MTERF4: variants seen among roughly 807,000 people sequenced by gnomAD.
MTERF4 encodes transcription termination factor 4, mitochondrial.
MTERF4 carries 17 observed loss-of-function variants against 22.5 expected under a neutral mutation model. That is an observed-to-expected ratio of 0.75 (90% confidence interval 0.52 to 1.13). The LOEUF (loss-of-function observed/expected upper bound fraction) is 1.13, where lower values mean the gene tolerates loss of function less well. Ranked by LOEUF, MTERF4 falls within the 50% of genes most tolerant of loss-of-function variation. The pLI is 0.00. For synonymous variants in MTERF4, 165 were observed against 175.3 expected (o/e 0.94, Z 0.47); for missense variants, 420 against 466.8 (o/e 0.90, Z 0.92).
downstream of MTERF4, among the ~76,000 whole-genome samples, chr2:241,068,263 G>A: frequency 6.6e-6 from 1 of 152,060 alleles, no homozygotes; most frequent in Non-Finnish European, 1.5e-5. This position sits in a 1 kb window ranked among gnomAD's most constrained non-coding sequence, Gnocchi z 5.3. Context: ...GCCCCTCAGA[G>A]AGCAGCGGCC....
chr2:241,054,000 G>A, the MTERF4 span, among the ~76,000 whole-genome samples: 1 of 152,226 alleles, frequency 6.6e-6, no homozygotes, highest in Non-Finnish European at 1.5e-5. Flanking sequence ...ACAGCACCCA[G>A]ATTTGAGTGG....
chr2:241,059,879 A>G, the MTERF4 span, among the ~76,000 whole-genome samples: 1 of 152,366 alleles, frequency 6.6e-6, no homozygotes. Context: ...ACGTATTCCC[A>G]GCATTTTCCT....
At chr2:241,083,963 T>G (rs1376652177), downstream of MTERF4, among the ~76,000 whole-genome samples, 1 of 152,072 alleles carries the variant, frequency 6.6e-6, no homozygotes, top group Non-Finnish European at 1.5e-5. Context: ...TCCTGCCTAA[T>G]TTTGGATTAC....
At chr2:241,097,575 C>T in intron 2 of MTERF4, 148 bp from the exon 3 acceptor site, 1 of 693,826 alleles carries the variant, frequency 1.4e-6, no homozygotes, top group Non-Finnish European at 2.4e-6. Context: ...GATCTATCTT[C>T]CCAGAAGCAC....
At chr2:241,051,831 A>G in the MTERF4 span, 2 of 1,561,332 alleles carry the variant, frequency 1.3e-6, no homozygotes, top group East Asian at 2.4e-5. This position sits in a 1 kb window ranked among gnomAD's most constrained non-coding sequence, Gnocchi z 4.7. Context: ...AGCTGCCCCT[A>G]CCGCTTCACT....
the MTERF4 span, among the ~76,000 whole-genome samples, chr2:241,044,409 A>G: frequency 6.6e-6 from 1 of 152,200 alleles, no homozygotes; most frequent in African/African-American, 2.4e-5. Context: ...TCTCTCCCCC[A>G]CTGAATACAG....
downstream of MTERF4, chr2:241,067,992 G>A (rs761029558): frequency 3.2e-6 from 5 of 1,551,162 alleles, no homozygotes; most frequent in Non-Finnish European, 4.4e-6. Context: ...GAAGGCAGGG[G>A]TGGGGGCTCG....
At chr2:241,071,922 G>C, downstream of MTERF4, 2 of 1,444,192 alleles carry the variant, frequency 1.4e-6, no homozygotes, top group Non-Finnish European at 1.9e-6. Context: ...GCCCACCCTC[G>C]TCCTCACTGC....
chr2:241,096,297 T>C lies in MTERF4; in HGVS notation c.847A>G (p.Thr283Ala), dbSNP rs760619901. 5 of 1,614,098 alleles carry C rather than the reference T, an allele frequency of 3.1e-6. No homozygotes were observed. The highest frequency in any genetic ancestry group is 4.2e-6 in the Non-Finnish European group (5 of 1,180,050). ...RYQTPDKKGQ[T>A]QIPNPLLKDI... Reference sequence around the variant, plus strand: ...TTGAGCAATGGGTTAGGGATCTGTGTCTGCCCCTTCTTATCAGGGGTTTGG... The same window carrying C: ...TTGAGCAATGGGTTAGGGATCTGTGCCTGCCCCTTCTTATCAGGGGTTTGG... The change falls in exon 4 of 4, where the codon ACA (threonine) becomes GCA (alanine). Residue 283 changes from threonine (T) to alanine (A), a missense_variant. Coordinates refer to ENST00000391980, the MANE Select transcript of MTERF4 (RefSeq NM_182501.4). The surrounding 1 kb of genome is among the most constrained non-coding windows in gnomAD (Gnocchi z 5.1).
rs1425785875 is a variant in MTERF4 at position 241,099,517 on chromosome 2, G to A, written c.399C>T (p.Leu133=). 1 of 1,614,092 alleles carries A rather than the reference G, an allele frequency of 6.2e-7. No homozygotes were observed. The highest frequency in any genetic ancestry group is 8.5e-7 in the Non-Finnish European group (1 of 1,180,054). ...ACACAGGCTCTGGATTCAGACCCAA[G>A]AGAATAAATTCTGAAATGATGTCCA... ...QLLDIISEFI[L]LGLNPEPVCV... Residue 133 remains leucine, a synonymous_variant, in exon 2 of 4, where the codon CTC becomes CTT. Transcript: ENST00000391980.
the MTERF4 span, chr2:241,048,638 G>T: frequency 5.0e-6 from 8 of 1,586,060 alleles, no homozygotes; most frequent in Non-Finnish European, 6.9e-6. Context: ...CCACATGGGA[G>T]GCTCCTCCCT....
downstream of MTERF4, among the ~76,000 whole-genome samples, chr2:241,085,909 C>T (rs1198125755): frequency 6.8e-6 from 1 of 147,716 alleles, no homozygotes; most frequent in Non-Finnish European, 1.5e-5. Context: ...CTCTGTCGCC[C>T]AGGCTGGAGT....
At chr2:241,059,026 A>G in the MTERF4 span, among the ~76,000 whole-genome samples, 2 of 152,318 alleles carry the variant, frequency 1.3e-5, no homozygotes, top group East Asian at 1.9e-4. Context: ...TAGCAAGATC[A>G]AAATAGAAAA....
chr2:241,063,900 C>T, the MTERF4 span: 1 of 867,834 alleles, frequency 1.2e-6, no homozygotes. Context: ...CACTGCCCCT[C>T]TCTCCTGGCC....
intron 4 of MTERF4, among the ~76,000 whole-genome samples, chr2:241,077,202 A>G (rs898482233): frequency 1.3e-5 from 2 of 152,216 alleles, no homozygotes; most frequent in African/African-American, 4.8e-5. Context: ...GTGCTGGGAC[A>G]GCTGGATATC....
At chr2:241,089,474 C>T, downstream of MTERF4, 4 of 1,520,804 alleles carry the variant, frequency 2.6e-6, no homozygotes, top group Non-Finnish European at 3.5e-6. Context: ...TGTCCACACC[C>T]CCTTGGGGGA....
downstream of MTERF4, among the ~76,000 whole-genome samples, chr2:241,070,823 G>GA: frequency 6.6e-6 from 1 of 152,358 alleles, no homozygotes; most frequent in Non-Finnish European, 1.5e-5. Context: ...AGGGAGAGAA[G>GA]AAAGAGACGG....
downstream of MTERF4, among the ~76,000 whole-genome samples, chr2:241,082,852 CTA>C (rs2063395298): frequency 6.6e-6 from 1 of 152,234 alleles, no homozygotes; most frequent in South Asian, 2.1e-4. Context: ...TGCTAACACT[CTA>C]TGACTCTGTC....
the MTERF4 span, among the ~76,000 whole-genome samples, chr2:241,066,911 C>G: frequency 1.3e-5 from 2 of 152,336 alleles, no homozygotes; most frequent in South Asian, 4.1e-4. Flanking sequence ...CACCAAGGGG[C>G]TGGAGTTCCC....
Sources: gnomAD v4.1 joint callset for allele counts (sites outside exome capture counted in the v4.1 genomes callset) on GRCh38, gnomAD v4.1.1 for gene constraint, Gnocchi (gnomAD v3.1) non-coding constraint, MANE v1.5 for transcripts, NCBI Gene and HGNC (gene_info 2026-07-23, HGNC 2026-07-21) for gene names.